Variants in IL17RD observed in about 807,000 individuals in gnomAD.
IL17RD encodes the protein interleukin-17 receptor D.
In IL17RD, 52 loss-of-function variants were observed where a neutral mutation model predicts 80.5. That is an observed-to-expected ratio of 0.65 (90% CI 0.52 to 0.81). IL17RD has a LOEUF of 0.81. Among genes scored for constraint, IL17RD ranks in the 40% least tolerant of loss-of-function variants. IL17RD has a pLI of 0.00. For missense variants in IL17RD, 1,024 were observed against 955.1 expected, an observed-to-expected ratio of 1.07 and a Z score of -0.95; for synonymous variants, 416 against 391.8, an observed-to-expected ratio of 1.06 and a Z score of -0.73.
At position 57,101,315 on chromosome 3, in the gene IL17RD, T is replaced by C. The variant is rs754819783; in HGVS notation, c.1028A>G (p.Tyr343Cys). 6.2e-7 allele frequency: 1 copy of C among 1,613,002 alleles called. No individual in the cohort carries two copies. Among genetic ancestry groups the C allele is most frequent in the Non-Finnish European group, 8.5e-7 (1 of 1,179,128 alleles). ...CCTCTCTCTTGGGAGTGCTGCAGTG[T>C]ATGTGGAAGACTCAGAGCTCTCTTC... ...LDEESSESST[Y>C]TAALPRERLR... is the part of the protein sequence containing the mutation. The change falls in exon 11 of 13, where the codon TAC becomes TGC. Residue 343 changes from tyrosine (Y) to cysteine (C), a missense_variant. Physicochemically the swap from Tyr to Cys is radical, Grantham distance 194. Transcript: ENST00000296318.
At chr3:57,130,086 T>C (rs897042223) in intron 1 of IL17RD, among the ~76,000 whole-genome samples, 3 of 152,248 alleles carry the variant, frequency 2.0e-5, no homozygotes, top group African/African-American at 7.2e-5. Context: ...TTTTAATTAC[T>C]GATGACCCTG....
upstream of IL17RD, chr3:57,169,452 A>T (rs538173508): frequency 1.2e-4 from 28 of 229,102 alleles, no homozygotes; most frequent in Middle Eastern, 1.3e-3. Context: ...ATGTAAATAT[A>T]TTTTCCCACT....
chr3:57,093,541 A>G lies in IL17RD; in HGVS notation c.*2852T>C, dbSNP rs140582928. 3 of 152,292 alleles carry G rather than the reference A, an allele frequency of 2.0e-5. No homozygotes were observed. The East Asian group carries it at 5.8e-4, about 29-fold the overall frequency. The allele number at this position is 152,292 out of a possible 1,614,324, so 9.4% of individuals were successfully genotyped here. On this transcript the variant is annotated 3_prime_UTR_variant, in exon 13 of 13. Coordinates refer to ENST00000296318, the MANE Select transcript of IL17RD (RefSeq NM_017563.5). ...TTTTTGAAGGACAGTCTTCCTGCTT[A>G]TTTGCACTCAAGATACTATTATTTG...
intron 1 of IL17RD, chr3:57,134,700 A>G (rs777354929): frequency 1.4e-6 from 1 of 700,994 alleles, no homozygotes; most frequent in Non-Finnish European, 2.7e-6. Flanking sequence ...GACTTTGTCT[A>G]AGGAGGAAGA....
At chr3:57,169,169 G>A (rs1384951012), upstream of IL17RD, 4 of 492,124 alleles carry the variant, frequency 8.1e-6, no homozygotes, top group Admixed American at 4.2e-5. Context: ...GTGGAGCTCA[G>A]CTGTGGAGGT....
chr3:57,150,171 C>T (rs1708025558), intron 1 of IL17RD: 1 of 152,210 alleles, frequency 6.6e-6, no homozygotes, highest in South Asian at 2.1e-4. Flanking sequence ...GGAATCTCCC[C>T]CCACTCCAAG....
intron 1 of IL17RD, among the ~76,000 whole-genome samples, chr3:57,159,909 C>T (rs1037674596): frequency 2.0e-5 from 3 of 152,166 alleles, no homozygotes; most frequent in Admixed American, 6.5e-5. Context: ...CGGTGGCTCA[C>T]GCCTGTAATC....
At chr3:57,150,040 G>A (rs2107535340) in intron 1 of IL17RD, among the ~76,000 whole-genome samples, 2 of 152,280 alleles carry the variant, frequency 1.3e-5, no homozygotes, top group South Asian at 4.2e-4. Context: ...CCCCTTGGTA[G>A]TCAAGCCCTC....
rs1033453621 is a variant in IL17RD at position 57,095,311 on chromosome 3, ACT to A, written c.*1080_*1081del. 1 of 152,074 alleles carries A rather than the reference ACT, an allele frequency of 6.6e-6. No homozygotes were observed. Among genetic ancestry groups the A allele is most frequent in the African/African-American group, 2.4e-5 (1 of 41,402 alleles). 9.4% of individuals were successfully genotyped at this position (152,074 alleles called of 1,614,324 possible). A position where few individuals can be genotyped will look rare whatever the true frequency, so the allele number is the denominator to read the frequency against. On this transcript the variant is annotated 3_prime_UTR_variant, in exon 13 of 13. Transcript: ENST00000296318. ...AATTGTTTTTTCTTTAGAAATAGAA[ACT>A]CTGTAGAAAGTCATTCATAAAAATG...
Position 57,094,951 on chromosome 3 carries a change from A to T in IL17RD, c.*1442T>A, listed in dbSNP as rs1157953148. On this transcript the variant is annotated 3_prime_UTR_variant, in exon 13 of 13. Coordinates refer to ENST00000296318, the MANE Select transcript of IL17RD (RefSeq NM_017563.5). ...TATGACATTTGCATCAGAAATATAC[A>T]CAAACCTTTTCTTTCCAGCAGGGGT... The T allele has an allele frequency of 6.6e-6, 1 of 152,606 alleles. No individual in the cohort carries two copies. The highest frequency in any genetic ancestry group is 1.5e-5 in the Non-Finnish European group (1 of 68,040). The allele number at this position is 152,606 out of a possible 1,614,324, so 9.5% of individuals were successfully genotyped here.
intron 2 of IL17RD, among the ~76,000 whole-genome samples, chr3:57,119,725 G>C (rs900231306): frequency 1.1e-4 from 16 of 150,242 alleles, no homozygotes; most frequent in African/African-American, 3.2e-4. Flanking sequence ...GATTCACTCT[G>C]TGTGAAATTT....
chr3:57,097,323 T>C (rs928513118), intron 12 of IL17RD: 9 of 419,416 alleles, frequency 2.1e-5, no homozygotes, highest in African/African-American at 4.1e-5. Flanking sequence ...TTTTGGAGTT[T>C]AGAAAAGTGA....
intron 1 of IL17RD, among the ~76,000 whole-genome samples, chr3:57,144,453 A>G (rs1707887889): frequency 2.6e-5 from 4 of 152,192 alleles, no homozygotes; most frequent in Admixed American, 2.6e-4. Context: ...ACAGGATGCC[A>G]GTGCAAGCTA....
chr3:57,148,102 G>GT, intron 1 of IL17RD, among the ~76,000 whole-genome samples: 1 of 84,018 alleles, frequency 1.2e-5, no homozygotes, highest in African/African-American at 4.5e-5. Context: ...GGGGGGGGGG[G>GT]GGCGATCGCT....
intron 5 of IL17RD, among the ~76,000 whole-genome samples, chr3:57,106,981 C>T (rs578237170): frequency 3.9e-5 from 6 of 152,150 alleles, no homozygotes; most frequent in Non-Finnish European, 8.8e-5. Context: ...TTAGGTGAGG[C>T]TTTCATAAAC....
chr3:57,109,203 C>G (rs1036439539), intron 5 of IL17RD, among the ~76,000 whole-genome samples: 1 of 152,152 alleles, frequency 6.6e-6, no homozygotes, highest in African/African-American at 2.4e-5. Context: ...GGCTAGAGTG[C>G]AGTGGCCCAA....
chr3:57,128,154 A>C (rs1707533524), intron 1 of IL17RD, among the ~76,000 whole-genome samples: 2 of 152,258 alleles, frequency 1.3e-5, no homozygotes, highest in South Asian at 4.1e-4. Context: ...TCTGATTTGG[A>C]GGTGAGGTCT....
chr3:57,126,439 A>G (rs1707460463), intron 1 of IL17RD, among the ~76,000 whole-genome samples: 1 of 152,214 alleles, frequency 6.6e-6, no homozygotes, highest in Non-Finnish European at 1.5e-5. Flanking sequence ...TCAAAAGCTA[A>G]AAACCCACAC....
chr3:57,103,016 C>T (rs772505937), intron 9 of IL17RD, 75 bp downstream of exon 9: 23 of 1,030,562 alleles, frequency 2.2e-5, no homozygotes, highest in Non-Finnish European at 3.2e-5. Context: ...TTCTGTAAAT[C>T]ATGAAGTACA....
Sources: gnomAD v4.1 joint callset for allele counts (sites outside exome capture counted in the v4.1 genomes callset) on GRCh38, gnomAD v4.1.1 for gene constraint, MANE v1.5 for transcripts, NCBI Gene and HGNC (gene_info 2026-07-23, HGNC 2026-07-21) for gene names.